SLC38A8: variants seen among roughly 807,000 people sequenced by gnomAD.
SLC38A8 encodes the protein amino acid transporter SLC38A8.
In SLC38A8, 65 loss-of-function variants were observed where a neutral mutation model predicts 46.0. The observed-to-expected ratio is 1.41, with a 90% CI of 1.16 to 1.74. The LOEUF (loss-of-function observed/expected upper bound fraction) is 1.74, where lower values mean the gene tolerates loss of function less well. SLC38A8 is among the 40% of genes most tolerant of loss of function. The pLI, the probability that SLC38A8 is intolerant of heterozygous loss-of-function variation, is 0.00. For synonymous variants in SLC38A8, 447 were observed against 243.7 expected, an observed-to-expected ratio of 1.83 and a Z score of -7.77; for missense variants, 998 against 567.9, an observed-to-expected ratio of 1.76 and a Z score of -7.70.
In SLC38A8 at chr16:84,033,506, C is replaced by A; in HGVS notation, c.389-37G>T. The A allele has an allele frequency of 1.9e-6, 3 of 1,543,572 alleles. No homozygotes were observed. The South Asian group carries it at 3.7e-5, about 19-fold the overall frequency. On this transcript the variant is annotated intron_variant, in intron 3 of 10. Coordinates refer to ENST00000299709, the MANE Select transcript of SLC38A8 (RefSeq NM_001080442.3). ...ACGGGGAGAGCTGAGCCACAGAGTA[C>A]AAATGCCGTGGGTTCTCGGCTCCCA...
chr16:84,030,231 C>T (rs945706441), intron 5 of SLC38A8, among the ~76,000 whole-genome samples: 1 of 152,122 alleles, frequency 6.6e-6, no homozygotes, highest in African/African-American at 2.4e-5. Context: ...CAGGAAGAGA[C>T]AGGAAAGATC....
intron 2 of SLC38A8, among the ~76,000 whole-genome samples, chr16:84,038,978 G>C (rs569523511): frequency 6.6e-6 from 1 of 152,294 alleles, no homozygotes; most frequent in South Asian, 2.1e-4. Flanking sequence ...ATGTCCACAA[G>C]GAAAATGTTA....
intron 10 of SLC38A8, among the ~76,000 whole-genome samples, chr16:84,012,299 G>A (rs954410872): frequency 6.6e-6 from 1 of 152,188 alleles, no homozygotes; most frequent in African/African-American, 2.4e-5. Flanking sequence ...CTCTTCCGTG[G>A]GTCAGACTCA....
At chr16:84,020,814 A>G (rs1436591566) in intron 7 of SLC38A8, among the ~76,000 whole-genome samples, 1 of 152,100 alleles carries the variant, frequency 6.6e-6, no homozygotes, top group East Asian at 1.9e-4. Context: ...CTTTCTCTCC[A>G]TATTAATCTC....
At chr16:84,029,699 G>T in intron 5 of SLC38A8, 148 bp from the exon 6 acceptor site, 1 of 771,940 alleles carries the variant, frequency 1.3e-6, no homozygotes, top group Non-Finnish European at 2.1e-6. Context: ...CCGTGACCGG[G>T]CTTTTGGAAA....
intron 5 of SLC38A8, 32 bp downstream of exon 5, chr16:84,031,835 G>A (rs374018512): frequency 1.2e-4 from 189 of 1,597,428 alleles, no homozygotes; most frequent in Admixed American, 5.2e-4. Flanking sequence ...CCTCCCCGCC[G>A]AGGCTGCCGG....
At chr16:84,033,303 C>G (rs1349209209) in intron 4 of SLC38A8, 25 bp downstream of exon 4, 1 of 1,613,930 alleles carries the variant, frequency 6.2e-7, no homozygotes, top group Admixed American at 1.7e-5. Context: ...TGGGGGCCCC[C>G]ACCAGGCAGC....
At position 84,033,351 on chromosome 16, in the gene SLC38A8, C is replaced by A. The variant is rs770833872; in HGVS notation, c.507G>T (p.Glu169Asp). The change falls in exon 4 of 11, where the codon GAG (glutamate) becomes GAT (aspartate). Residue 169 changes from glutamate (E) to aspartate (D), a missense_variant. By Grantham distance (45) the Glu-to-Asp change is conservative. Transcript: ENST00000299709. ...ACCTTGTGTATTTCTGGAAGGCGATCTCCCGCGGGGCAGACAGGGGCAGGA... is the reference window on the plus strand; with the variant it reads ...ACCTTGTGTATTTCTGGAAGGCGATATCCCGCGGGGCAGACAGGGGCAGGA... ...LVILPLSAPREIAFQKYTSIL... is the reference protein window; with the variant it reads ...LVILPLSAPRDIAFQKYTSIL... 2.5e-6 allele frequency: 4 copies of A among 1,614,106 alleles called. No homozygotes were observed.
Position 84,026,807 on chromosome 16 carries a change from GATTCC to G in SLC38A8, c.690+2682_690+2686del, listed in dbSNP as rs147883704. The stretch of plus-strand genomic sequence containing the variant: ...AGCCTGTCTTAAAAGGCCACAATAG[GATTCC>G]ATTCCTAGGAGGTGGCCATCGTAGG... On this transcript the variant is annotated intron_variant, in intron 6 of 10. Coordinates refer to ENST00000299709, the MANE Select transcript of SLC38A8 (RefSeq NM_001080442.3). Among the ~76,000 whole-genome samples, 725 of 152,296 alleles carry G rather than the reference GATTCC, an allele frequency of 4.8e-3. 12 individuals carry two copies. Among genetic ancestry groups the G allele is most frequent in the African/African-American group, 0.016 (670 of 41,550 alleles).
intron 5 of SLC38A8, among the ~76,000 whole-genome samples, chr16:84,030,434 A>G (rs66694225): frequency 0.16 from 24,475 of 151,930 alleles, 2,315 homozygotes; most frequent in South Asian, 0.26. Flanking sequence ...CTTCAATGCC[A>G]TGTCTGGGCC....
upstream of SLC38A8, among the ~76,000 whole-genome samples, chr16:84,042,915 C>G (rs563400501): frequency 2.2e-3 from 329 of 152,196 alleles, 1 homozygote; most frequent in Non-Finnish European, 1.6e-3. Flanking sequence ...TGACAGGGAG[C>G]TCAGCTGGGA....
intron 3 of SLC38A8, 126 bp downstream of exon 3, chr16:84,036,576 T>C (rs2085301461): frequency 9.5e-7 from 1 of 1,049,750 alleles, no homozygotes; most frequent in Non-Finnish European, 1.4e-6. Context: ...AACAAGAGTG[T>C]GGTTTCAGCC....
intron 9 of SLC38A8, among the ~76,000 whole-genome samples, chr16:84,013,653 C>T (rs1478717144): frequency 2.0e-5 from 3 of 151,596 alleles, no homozygotes; most frequent in African/African-American, 4.8e-5. Flanking sequence ...ATGGTCTGGA[C>T]CTCTTGACCT....
chr16:84,026,731 G>A lies in SLC38A8; in HGVS notation c.690+2763C>T, dbSNP rs915610253. 2.0e-5 allele frequency among the ~76,000 whole-genome samples: 3 copies of A among 152,254 alleles called. No individual in the cohort carries two copies. The South Asian group carries it at 6.2e-4, about 31-fold the overall frequency. On this transcript the variant is annotated intron_variant, in intron 6 of 10. Transcript: ENST00000299709. ...CACAATGGAATATTATTTGACCACA[G>A]ATAGGGTGGCTACAACATGGATGAA...
intron 7 of SLC38A8, among the ~76,000 whole-genome samples, chr16:84,022,161 T>C (rs1190225251): frequency 1.3e-5 from 2 of 152,188 alleles, no homozygotes; most frequent in African/African-American, 4.8e-5. Flanking sequence ...CAAGGCTGCC[T>C]GAGAGATTCA....
At chr16:84,018,984 T>C (rs1156459054) in intron 7 of SLC38A8, among the ~76,000 whole-genome samples, 1 of 152,114 alleles carries the variant, frequency 6.6e-6, no homozygotes, top group Non-Finnish European at 1.5e-5. Flanking sequence ...CACCCTGGTA[T>C]GGGGAGGTGG....
chr16:84,029,663 G>A (rs937489103), intron 5 of SLC38A8, 112 bp from the exon 6 acceptor site: 17 of 1,054,662 alleles, frequency 1.6e-5, no homozygotes, highest in Non-Finnish European at 2.3e-5. Context: ...GAGCATGGCT[G>A]CAAGATGTAT....
Position 84,041,425 on chromosome 16 carries a change from G to C in SLC38A8, c.189+544C>G, listed in dbSNP as rs114770547. ...CCTCCCAGGTTCAAGCGATTCTCCT[G>C]ACTCCACCTCCTGAGTAACTTGGAT... On this transcript the variant is annotated intron_variant, in intron 2 of 10. Transcript: ENST00000299709. 4.0e-3 allele frequency: 610 copies of C among 153,248 alleles called. 7 individuals are homozygous for C. The highest frequency in any genetic ancestry group is 0.014 in the African/African-American group (578 of 41,570). 9.5% of individuals were successfully genotyped at this position (153,248 alleles called of 1,614,324 possible).
At chr16:84,028,086 G>C (rs1425402261) in intron 6 of SLC38A8, among the ~76,000 whole-genome samples, 1 of 151,474 alleles carries the variant, frequency 6.6e-6, no homozygotes, top group Non-Finnish European at 1.5e-5. Flanking sequence ...TCAAAGAAAA[G>C]GCAAGATGAA....
Sources: gnomAD v4.1 joint callset for allele counts (sites outside exome capture counted in the v4.1 genomes callset) on GRCh38, gnomAD v4.1.1 for gene constraint, MANE v1.5 for transcripts, NCBI Gene and HGNC (gene_info 2026-07-23, HGNC 2026-07-21) for gene names.